Variants in SLX4IP observed in about 807,000 individuals in gnomAD.
The protein encoded by SLX4IP is protein SLX4IP.
SLX4IP carries 34 observed loss-of-function variants against 32.9 expected under a neutral mutation model. That is an observed-to-expected ratio of 1.03 (90% CI 0.79 to 1.38). The LOEUF (loss-of-function observed/expected upper bound fraction) is 1.38, where lower values mean the gene tolerates loss of function less well. Ranked by LOEUF, SLX4IP falls within the 40% of genes most tolerant of loss-of-function variation. The pLI, the probability that SLX4IP is intolerant of heterozygous loss-of-function variation, is 0.00. For missense variants in SLX4IP, 444 were observed against 479.0 expected, an observed-to-expected ratio of 0.93 and a Z score of 0.68; for synonymous variants, 172 against 171.7, an observed-to-expected ratio of 1.00 and a Z score of -0.01.
intron 2 of SLX4IP, among the ~76,000 whole-genome samples, chr20:10,540,203 T>C (rs905699808): frequency 6.7e-6 from 1 of 149,400 alleles, no homozygotes; most frequent in African/African-American, 2.5e-5. Context: ...CTTTCTTTCT[T>C]TCTCTTTCTT....
chr20:10,610,386 C>A (rs948417187), intron 6 of SLX4IP, among the ~76,000 whole-genome samples: 2 of 152,238 alleles, frequency 1.3e-5, no homozygotes, highest in Non-Finnish European at 2.9e-5. Flanking sequence ...GCATTATCAG[C>A]AGCCCTGGCT....
At chr20:10,522,310 T>A (rs1157129411) in intron 2 of SLX4IP, among the ~76,000 whole-genome samples, 2 of 152,192 alleles carry the variant, frequency 1.3e-5, no homozygotes, top group East Asian at 3.8e-4. Context: ...AAAGCCCTCC[T>A]AACACTCTCA....
At chr20:10,542,789 A>C (rs1375703386) in intron 2 of SLX4IP, among the ~76,000 whole-genome samples, 1 of 152,222 alleles carries the variant, frequency 6.6e-6, no homozygotes, top group East Asian at 1.9e-4. Flanking sequence ...CTCTAGTTAG[A>C]TTCCCTCTGA....
intron 2 of SLX4IP, among the ~76,000 whole-genome samples, chr20:10,481,407 T>A (rs1326164881): frequency 6.6e-6 from 1 of 152,242 alleles, no homozygotes; most frequent in African/African-American, 2.4e-5. Flanking sequence ...GTTGTCTTCT[T>A]CAGGGATCTG....
chr20:10,518,853 A>G (rs2065881399), intron 2 of SLX4IP, among the ~76,000 whole-genome samples: 1 of 152,156 alleles, frequency 6.6e-6, no homozygotes, highest in African/African-American at 2.4e-5. Flanking sequence ...TACAGGTGTG[A>G]GCTACCATTC....
intron 2 of SLX4IP, among the ~76,000 whole-genome samples, chr20:10,520,100 G>A (rs779200994): frequency 2.0e-5 from 3 of 151,844 alleles, no homozygotes; most frequent in Non-Finnish European, 2.9e-5. Context: ...TGGCCAGGCT[G>A]GAGTGCAGTG....
chr20:10,609,395 A>G (rs974500006), intron 6 of SLX4IP, among the ~76,000 whole-genome samples: 6 of 152,196 alleles, frequency 3.9e-5, no homozygotes, highest in Non-Finnish European at 8.8e-5. Context: ...TGTTACTATC[A>G]TGAGCTCTGA....
intron 2 of SLX4IP, among the ~76,000 whole-genome samples, chr20:10,503,332 T>C (rs1288340998): frequency 6.6e-6 from 1 of 152,168 alleles, no homozygotes; most frequent in East Asian, 1.9e-4. Flanking sequence ...GAGTTTAGTA[T>C]AGGTGGCCTA....
intron 2 of SLX4IP, among the ~76,000 whole-genome samples, chr20:10,490,936 A>T (rs766505416): frequency 6.6e-6 from 1 of 152,082 alleles, no homozygotes; most frequent in African/African-American, 2.4e-5. Flanking sequence ...ACACCCTCAC[A>T]GGGGGGTATC....
intron 4 of SLX4IP, among the ~76,000 whole-genome samples, chr20:10,566,379 T>G (rs1012254607): frequency 6.6e-6 from 1 of 151,388 alleles, no homozygotes; most frequent in Non-Finnish European, 1.5e-5. Flanking sequence ...TTTGGCCTGT[T>G]TGTATATTGC....
chr20:10,607,077 G>A (rs978868527), intron 6 of SLX4IP, among the ~76,000 whole-genome samples: 9 of 152,078 alleles, frequency 5.9e-5, no homozygotes, highest in Admixed American at 1.3e-4. Flanking sequence ...ATACTTTTAT[G>A]GAATGTATTT....
intron 2 of SLX4IP, among the ~76,000 whole-genome samples, chr20:10,542,191 C>T (rs1195315791): frequency 1.3e-5 from 2 of 152,120 alleles, no homozygotes; most frequent in Non-Finnish European, 2.9e-5. Flanking sequence ...ATTCAGTTGC[C>T]CATTTTAATG....
At chr20:10,509,676 C>T (rs1228760291) in intron 2 of SLX4IP, among the ~76,000 whole-genome samples, 7 of 151,952 alleles carry the variant, frequency 4.6e-5, no homozygotes, top group African/African-American at 9.7e-5. Context: ...CAGTTGGTCC[C>T]GCATTGGGAT....
At chr20:10,616,676 C>G (rs1218070845) in intron 6 of SLX4IP, among the ~76,000 whole-genome samples, 2 of 152,148 alleles carry the variant, frequency 1.3e-5, no homozygotes, top group African/African-American at 4.8e-5. Flanking sequence ...AATGCTCTTC[C>G]CCGTCTGCTT....
chr20:10,510,683 C>G (rs1260123568), intron 2 of SLX4IP, among the ~76,000 whole-genome samples: 1 of 151,692 alleles, frequency 6.6e-6, no homozygotes, highest in African/African-American at 2.4e-5. Flanking sequence ...CGGCTCACTG[C>G]AACCTCCACC....
intron 6 of SLX4IP, among the ~76,000 whole-genome samples, chr20:10,605,993 C>T (rs1258567989): frequency 1.3e-5 from 2 of 152,174 alleles, no homozygotes; most frequent in African/African-American, 4.8e-5. Context: ...TTATAGTCCT[C>T]AGCTGTGCAT....
intron 2 of SLX4IP, among the ~76,000 whole-genome samples, chr20:10,474,670 T>C (rs1239402947): frequency 1.3e-5 from 2 of 152,236 alleles, no homozygotes; most frequent in Non-Finnish European, 2.9e-5. Context: ...GCCTCTCCAC[T>C]TCCGCCGGCC....
chr20:10,467,498 G>A (rs536475637), intron 2 of SLX4IP, among the ~76,000 whole-genome samples: 9 of 152,308 alleles, frequency 5.9e-5, no homozygotes, highest in African/African-American at 2.2e-4. Flanking sequence ...CTTAAAGTCT[G>A]CATCTTCCAA....
intron 2 of SLX4IP, among the ~76,000 whole-genome samples, chr20:10,514,893 G>A (rs1270238331): frequency 6.6e-6 from 1 of 152,060 alleles, no homozygotes; most frequent in Non-Finnish European, 1.5e-5. Flanking sequence ...GCAATTTTTA[G>A]TAGGATTGGC....
Sources: gnomAD v4.1 joint callset for allele counts (sites outside exome capture counted in the v4.1 genomes callset) on GRCh38, gnomAD v4.1.1 for gene constraint, MANE v1.5 for transcripts, NCBI Gene and HGNC (gene_info 2026-07-23, HGNC 2026-07-21) for gene names.